FARP2: variants seen among roughly 807,000 people sequenced by gnomAD.
The protein encoded by FARP2 is FERM, ARH/RhoGEF and pleckstrin domain protein 2.
Under a neutral mutation model 130.5 loss-of-function variants are expected in FARP2, and 111 were observed. That is an observed-to-expected ratio of 0.85 (90% CI 0.73 to 1.00). The LOEUF (loss-of-function observed/expected upper bound fraction) is 1.00. Ranked by LOEUF, FARP2 falls within the 50% of genes least tolerant of loss-of-function variation. The pLI, the probability that FARP2 is intolerant of heterozygous loss-of-function variation, is 0.00. For missense variants in FARP2, 1,385 were observed against 1,346.3 expected, an observed-to-expected ratio of 1.03 and a Z score of -0.45; for synonymous variants, 504 against 516.9, an observed-to-expected ratio of 0.98 and a Z score of 0.34.
At chr2:241,476,753 A>C (rs997480288) in intron 19 of FARP2, among the ~76,000 whole-genome samples, 1 of 152,210 alleles carries the variant, frequency 6.6e-6, no homozygotes, top group Non-Finnish European at 1.5e-5. Flanking sequence ...ACATACATAC[A>C]TACAAAAAAT....
In FARP2 at chr2:241,475,571, G is replaced by A. The variant is rs888178180; in HGVS notation, c.2132-286G>A. Reference sequence around the variant, plus strand: ...GTGAACTGCACATGTGGGGGATCTAGTTTGTATGCTCCTTGTGAGAATCTA... The same window carrying A: ...GTGAACTGCACATGTGGGGGATCTAATTTGTATGCTCCTTGTGAGAATCTA... On this transcript the variant is annotated intron_variant, in intron 18 of 26. Coordinates refer to ENST00000264042, the MANE Select transcript of FARP2 (RefSeq NM_014808.4). This position sits in a 1 kb window ranked among gnomAD's most constrained non-coding sequence, Gnocchi z 4.4. Among the ~76,000 whole-genome samples, 8 of 152,220 alleles carry A rather than the reference G, an allele frequency of 5.3e-5. No individual in the cohort carries two copies. The highest frequency in any genetic ancestry group is 1.2e-4 in the Non-Finnish European group (8 of 68,040).
intron 2 of FARP2, among the ~76,000 whole-genome samples, chr2:241,380,287 A>G (rs907583631): frequency 6.6e-6 from 1 of 152,212 alleles, no homozygotes; most frequent in Non-Finnish European, 1.5e-5. Flanking sequence ...TGAGAGTTCT[A>G]GCACCCAATG....
In FARP2 at chr2:241,475,890, C is replaced by T; in HGVS notation, c.2165C>T (p.Thr722Ile). The change falls in exon 19 of 27, where the codon ACA (threonine) becomes ATA (isoleucine). Residue 722 changes from threonine to isoleucine, a missense_variant. Transcript: ENST00000264042. This position sits in a 1 kb window ranked among gnomAD's most constrained non-coding sequence, Gnocchi z 4.4. ...ALKAITEVTTTLQHILIRLEN... is the reference protein window; with the variant it reads ...ALKAITEVTTILQHILIRLEN... ...AAAGCCATCACAGAGGTGACCACCACACTACAGCACATTCTCATCCGGCTG... is the reference window on the plus strand; with the variant it reads ...AAAGCCATCACAGAGGTGACCACCATACTACAGCACATTCTCATCCGGCTG... 6.2e-7 allele frequency: 1 copy of T among 1,613,832 alleles called. No homozygotes were observed. Among genetic ancestry groups the T allele is most frequent in the Non-Finnish European group, 8.5e-7 (1 of 1,179,872 alleles).
At chr2:241,362,133 G>A (rs2061201991) in intron 1 of FARP2, among the ~76,000 whole-genome samples, 1 of 152,082 alleles carries the variant, frequency 6.6e-6, no homozygotes, top group Non-Finnish European at 1.5e-5. Context: ...CTGACCTCAA[G>A]TAAACCACCT....
At chr2:241,394,450 G>A (rs548161165) in intron 2 of FARP2, among the ~76,000 whole-genome samples, 6 of 151,686 alleles carry the variant, frequency 4.0e-5, no homozygotes, top group South Asian at 2.1e-4. Flanking sequence ...TCCAGGAGGC[G>A]GAGCTTGTAG....
chr2:241,385,811 C>G (rs1333006828), intron 2 of FARP2, among the ~76,000 whole-genome samples: 1 of 152,166 alleles, frequency 6.6e-6, no homozygotes, highest in Non-Finnish European at 1.5e-5. Context: ...CCATTTAACT[C>G]TTCTAGACAT....
intron 2 of FARP2, among the ~76,000 whole-genome samples, chr2:241,378,402 A>T (rs1354651172): frequency 1.8e-5 from 2 of 113,594 alleles, no homozygotes; most frequent in Non-Finnish European, 3.6e-5. Context: ...GGTGCCAGCC[A>T]CCATGCCTGG....
chr2:241,440,901 A>T (rs1166058821), intron 12 of FARP2, among the ~76,000 whole-genome samples: 1 of 152,148 alleles, frequency 6.6e-6, no homozygotes. Context: ...CTGTAATCCC[A>T]GCATGTTGGA....
At chr2:241,417,295 CAA>C (rs1162509119) in intron 7 of FARP2, among the ~76,000 whole-genome samples, 36 of 135,718 alleles carry the variant, frequency 2.7e-4, no homozygotes, top group South Asian at 2.4e-4. Context: ...GAGACTCCAT[CAA>C]AAAAAAAAAA....
chr2:241,361,267 A>G (rs2061179819), intron 1 of FARP2, among the ~76,000 whole-genome samples: 1 of 152,066 alleles, frequency 6.6e-6, no homozygotes, highest in Non-Finnish European at 1.5e-5. Context: ...CTTCACCTTT[A>G]TTTCATAAAA....
In FARP2 at chr2:241,431,733, A is replaced by G; in HGVS notation, c.826A>G (p.Lys276Glu). 6.3e-7 allele frequency: 1 copy of G among 1,597,084 alleles called. No homozygotes were observed. Among genetic ancestry groups the G allele is most frequent in the Non-Finnish European group, 8.6e-7 (1 of 1,167,900 alleles). Reference protein sequence around the residue: ...NWSKVRKLSFKRKRFLIKLHP... With the variant: ...NWSKVRKLSFERKRFLIKLHP... ...GTCCAAGGTCCGTAAACTAAGCTTC[A>G]AGAGGAAAAGATTTCTTATCAAACT... is the stretch of plus-strand genomic sequence containing the variant. Residue 276 changes from lysine (K) to glutamate (E), a missense_variant, in exon 9 of 27, where the codon AAG (lysine) becomes GAG (glutamate). Physicochemically the swap from Lys to Glu is moderately conservative, Grantham distance 56 (BLOSUM62 1). Transcript: ENST00000264042.
At chr2:241,455,099 T>TA (rs768652638) in intron 13 of FARP2, among the ~76,000 whole-genome samples, 1 of 152,228 alleles carries the variant, frequency 6.6e-6, no homozygotes, top group East Asian at 1.9e-4. Flanking sequence ...CCTGTACACT[T>TA]ACATGTTTTA....
chr2:241,465,843 C>A, intron 17 of FARP2: 4 of 1,529,468 alleles, frequency 2.6e-6, no homozygotes, highest in Non-Finnish European at 3.5e-6. Flanking sequence ...ACCTAGAGTT[C>A]CCAAGGGACT....
chr2:241,402,345 AAT>A (rs1478810181), intron 2 of FARP2, among the ~76,000 whole-genome samples: 7 of 152,188 alleles, frequency 4.6e-5, no homozygotes, highest in Non-Finnish European at 1.0e-4. Context: ...ATGGGTGAAA[AAT>A]ATCTTACTGT....
chr2:241,451,269 T>G (rs921380513), intron 13 of FARP2, among the ~76,000 whole-genome samples: 2 of 152,218 alleles, frequency 1.3e-5, no homozygotes, highest in African/African-American at 4.8e-5. Context: ...CCACCACTCC[T>G]GGCCAATTTG....
At chr2:241,406,671 G>A (rs543922204) in intron 4 of FARP2, among the ~76,000 whole-genome samples, 10 of 151,880 alleles carry the variant, frequency 6.6e-5, no homozygotes, top group Non-Finnish European at 1.0e-4. Flanking sequence ...ACCATGTTGC[G>A]CAGGCTGGTC....
chr2:241,361,798 G>A (rs1251585505), intron 1 of FARP2, among the ~76,000 whole-genome samples: 1 of 152,130 alleles, frequency 6.6e-6, no homozygotes, highest in Non-Finnish European at 1.5e-5. Context: ...TAGTGGGAAT[G>A]TGTTTGTGAA....
chr2:241,373,586 C>T (rs367980900), intron 2 of FARP2, among the ~76,000 whole-genome samples: 1 of 152,210 alleles, frequency 6.6e-6, no homozygotes, highest in African/African-American at 2.4e-5. Flanking sequence ...ATGGTACACC[C>T]AGACCTTCCC....
intron 8 of FARP2, among the ~76,000 whole-genome samples, chr2:241,430,125 A>G (rs936548972): frequency 1.3e-5 from 2 of 152,166 alleles, no homozygotes; most frequent in Non-Finnish European, 2.9e-5. Context: ...TTCAAATCTG[A>G]TACTTGATAA....
Sources: gnomAD v4.1 joint callset for allele counts (sites outside exome capture counted in the v4.1 genomes callset) on GRCh38, gnomAD v4.1.1 for gene constraint, Gnocchi (gnomAD v3.1) non-coding constraint, MANE v1.5 for transcripts, NCBI Gene and HGNC (gene_info 2026-07-23, HGNC 2026-07-21) for gene names.